INO80C: variants seen among roughly 807,000 people sequenced by gnomAD.
The protein encoded by INO80C is IES6 homolog.
A neutral mutation model predicts 17.7 loss-of-function variants in INO80C; 17 were observed. That is an observed-to-expected ratio of 0.96 (90% CI 0.66 to 1.44). The LOEUF (loss-of-function observed/expected upper bound fraction) is 1.44, where lower values mean the gene tolerates loss of function less well. Ranked by LOEUF, INO80C falls within the 40% of genes most tolerant of loss-of-function variation. The probability of loss-of-function intolerance (pLI) is 0.00; values close to 1 mark genes in which losing one functional copy is unlikely to be tolerated. For missense variants in INO80C, 244 were observed against 245.0 expected (o/e 1.00, Z 0.03); for synonymous variants, 96 against 95.8 (o/e 1.00, Z -0.01).
intron 1 of INO80C, among the ~76,000 whole-genome samples, chr18:35,495,053 C>A (rs2045967647): frequency 6.6e-6 from 1 of 152,210 alleles, no homozygotes; most frequent in Non-Finnish European, 1.5e-5. Flanking sequence ...TCCTGGCAGC[C>A]CTCAGGGGTA....
chr18:35,479,744 A>T (rs1382071152), intron 2 of INO80C, among the ~76,000 whole-genome samples: 1 of 152,124 alleles, frequency 6.6e-6, no homozygotes, highest in Non-Finnish European at 1.5e-5. Context: ...ACTTTAAGAT[A>T]AATTTACTAC....
At chr18:35,471,318 T>C (rs1567977370) in intron 4 of INO80C, among the ~76,000 whole-genome samples, 2 of 152,266 alleles carry the variant, frequency 1.3e-5, no homozygotes, top group African/African-American at 4.8e-5. Context: ...CTTTCCAGAC[T>C]TTTTATGTCT....
intron 4 of INO80C, among the ~76,000 whole-genome samples, chr18:35,477,627 A>G (rs763244248): frequency 1.3e-5 from 2 of 152,250 alleles, no homozygotes; most frequent in Non-Finnish European, 2.9e-5. Flanking sequence ...CTTAGGTTCC[A>G]CCTTCTGCAA....
chr18:35,475,406 G>A (rs1373329863), intron 4 of INO80C, among the ~76,000 whole-genome samples: 14 of 152,160 alleles, frequency 9.2e-5, no homozygotes, highest in Non-Finnish European at 1.5e-4. Context: ...AGTGGCTCAC[G>A]CCTGTAATCC....
intron 4 of INO80C, among the ~76,000 whole-genome samples, chr18:35,475,309 G>GA (rs2045722392): frequency 6.6e-6 from 1 of 152,118 alleles, no homozygotes; most frequent in Non-Finnish European, 1.5e-5. Context: ...AGTGATGAAA[G>GA]AAAAAACTGT....
intron 1 of INO80C, among the ~76,000 whole-genome samples, chr18:35,486,855 G>A (rs62100505): frequency 5.4e-5 from 8 of 149,500 alleles, no homozygotes; most frequent in Admixed American, 1.3e-4. Context: ...AGAGAAAGCT[G>A]TTGCTCACAA....
chr18:35,492,594 A>C (rs2045943173), intron 1 of INO80C, among the ~76,000 whole-genome samples: 1 of 152,220 alleles, frequency 6.6e-6, no homozygotes, highest in Admixed American at 6.5e-5. Context: ...TAAGACTTAA[A>C]ATTATCAGGA....
At chr18:35,469,641 C>A (rs752794094) in intron 4 of INO80C, among the ~76,000 whole-genome samples, 33 of 152,304 alleles carry the variant, frequency 2.2e-4, no homozygotes, top group Non-Finnish European at 4.0e-4. Flanking sequence ...CCTCACCCTC[C>A]ACTTTCACAG....
chr18:35,481,734 A>C lies in INO80C; in HGVS notation c.157-1171T>G, dbSNP rs539723401. Among the ~76,000 whole-genome samples, 91 of 152,206 alleles carry C rather than the reference A, an allele frequency of 6.0e-4. 1 individual carries two copies. Among genetic ancestry groups the C allele is most frequent in the South Asian group, 2.1e-3 (10 of 4,806 alleles). The stretch of plus-strand genomic sequence containing the variant: ...CTCCACCTCTACTAAAAATACAAAA[A>C]TTAGCCACGCATGGTGATGTGTGCC... On this transcript the variant is annotated intron_variant, in intron 1 of 4. Coordinates refer to ENST00000334598, the MANE Select transcript of INO80C (RefSeq NM_194281.4).
intron 1 of INO80C, 51 bp downstream of exon 1, chr18:35,497,668 C>A: frequency 6.3e-7 from 1 of 1,581,152 alleles, no homozygotes; most frequent in Non-Finnish European, 8.6e-7. Context: ...TCCGCCCCGC[C>A]AAGTCCCGTT....
intron 4 of INO80C, among the ~76,000 whole-genome samples, chr18:35,473,868 A>G (rs983981098): frequency 9.2e-5 from 14 of 152,140 alleles, no homozygotes; most frequent in African/African-American, 3.1e-4. Context: ...CTTGGGAAAC[A>G]TCATGGGCTT....
intron 4 of INO80C, among the ~76,000 whole-genome samples, chr18:35,474,245 A>ATATATATAT (rs2045707861): frequency 2.3e-5 from 3 of 129,532 alleles, no homozygotes; most frequent in Non-Finnish European, 3.3e-5. Context: ...ATATATATAT[A>ATATATATAT]CTTAATAACT....
At chr18:35,494,589 G>T (rs1182492254) in intron 1 of INO80C, among the ~76,000 whole-genome samples, 1 of 152,148 alleles carries the variant, frequency 6.6e-6, no homozygotes, top group Non-Finnish European at 1.5e-5. Flanking sequence ...AGAAGACAGG[G>T]GCCCTGCAGT....
chr18:35,468,826 T>A, intron 4 of INO80C, 84 bp from the exon 5 acceptor site: 1 of 1,268,998 alleles, frequency 7.9e-7, no homozygotes, highest in Non-Finnish European at 1.1e-6. Flanking sequence ...TTTTTTCTAT[T>A]TCACTGAAAG....
intron 1 of INO80C, among the ~76,000 whole-genome samples, chr18:35,493,289 C>G (rs1276712998): frequency 6.6e-6 from 1 of 152,158 alleles, no homozygotes; most frequent in African/African-American, 2.4e-5. Context: ...TAACAGTTAT[C>G]TGTTCCCCAA....
intron 4 of INO80C, among the ~76,000 whole-genome samples, chr18:35,475,271 GACA>G (rs1160694297): frequency 6.6e-6 from 1 of 152,176 alleles, no homozygotes; most frequent in African/African-American, 2.4e-5. Context: ...GAAGCAAAAA[GACA>G]ACATTTAACC....
At chr18:35,492,364 T>C (rs1287937779) in intron 1 of INO80C, among the ~76,000 whole-genome samples, 2 of 152,310 alleles carry the variant, frequency 1.3e-5, no homozygotes, top group Admixed American at 6.5e-5. Context: ...TTTAAAAGTC[T>C]AATTGAGAAG....
In INO80C at chr18:35,468,533, T is replaced by A; in HGVS notation, c.*78A>T. ...ATTTTCAGATTGACAGCAGAACGAGTTTGTTTCCGTGAAACAAAATCATGA... is the reference window on the plus strand; with the variant it reads ...ATTTTCAGATTGACAGCAGAACGAGATTGTTTCCGTGAAACAAAATCATGA... On this transcript the variant is annotated 3_prime_UTR_variant, in exon 5 of 5. Coordinates refer to ENST00000334598, the MANE Select transcript of INO80C (RefSeq NM_194281.4). 1 of 1,587,376 alleles carries A rather than the reference T, an allele frequency of 6.3e-7. No homozygotes were observed. Among genetic ancestry groups the A allele is most frequent in the Non-Finnish European group, 8.6e-7 (1 of 1,163,394 alleles).
chr18:35,478,267 T>C lies in INO80C; in HGVS notation c.447+15A>G, dbSNP rs1417868340. 2 of 1,540,440 alleles carry C rather than the reference T, an allele frequency of 1.3e-6. No individual in the cohort carries two copies. The highest frequency in any genetic ancestry group is 1.8e-6 in the Non-Finnish European group (2 of 1,123,162). On this transcript the variant is annotated intron_variant, in intron 4 of 4. Coordinates refer to ENST00000334598, the MANE Select transcript of INO80C (RefSeq NM_194281.4). ...CTTTTCCATTTAATGTTATAAGAGA[T>C]ATAATCATACTCACAAGCAGACCTG...
Sources: gnomAD v4.1 joint callset for allele counts (sites outside exome capture counted in the v4.1 genomes callset) on GRCh38, gnomAD v4.1.1 for gene constraint, MANE v1.5 for transcripts, NCBI Gene and HGNC (gene_info 2026-07-23, HGNC 2026-07-21) for gene names.